UQCC1: variants seen among roughly 807,000 people sequenced by gnomAD.
UQCC1 encodes the protein ubiquinol-cytochrome c reductase complex assembly factor 1.
In UQCC1, 38 loss-of-function variants were observed where a neutral mutation model predicts 48.0. The ratio of observed to expected loss-of-function variants is 0.79; its 90% CI spans 0.61 to 1.04. The LOEUF is 1.04. Ranked by LOEUF, UQCC1 falls within the 50% of genes least tolerant of loss-of-function variation. The pLI is 0.00. For synonymous variants in UQCC1, 111 were observed against 129.2 expected (o/e 0.86, Z 0.95); for missense variants, 368 against 381.8 (o/e 0.96, Z 0.30).
chr20:35,347,238 T>G lies in UQCC1; in HGVS notation c.499A>C (p.Ser167Arg). The G allele has an allele frequency of 6.2e-7, 1 of 1,614,058 alleles. No homozygotes were observed. Among genetic ancestry groups the G allele is most frequent in the Non-Finnish European group, 8.5e-7 (1 of 1,180,010 alleles). ...CLVRMKQEGRSGKYMCRIIVH... is the reference protein window; with the variant it reads ...CLVRMKQEGRRGKYMCRIIVH... ...ATGATACGACACATGTACTTCCCAC[T>G]CCGGCCTTCCTGCTTCATTCGGACT... Residue 167 changes from serine (S) to arginine (R), a missense_variant, in exon 7 of 10, where the codon AGT becomes CGT. Coordinates refer to ENST00000374385, the MANE Select transcript of UQCC1 (RefSeq NM_018244.5).
chr20:35,313,418 G>T, intron 8 of UQCC1, among the ~76,000 whole-genome samples: 1 of 142,484 alleles, frequency 7.0e-6, no homozygotes, highest in South Asian at 2.3e-4. Flanking sequence ...AGATCCAAAT[G>T]TCCTGATGTG....
chr20:35,304,275 A>G (rs2060903933), intron 9 of UQCC1, among the ~76,000 whole-genome samples: 1 of 152,318 alleles, frequency 6.6e-6, no homozygotes, highest in African/African-American at 2.4e-5. Flanking sequence ...GTTCAGAGAA[A>G]GCAGTCACTG....
chr20:35,373,704 A>C (rs1362583901), intron 5 of UQCC1, among the ~76,000 whole-genome samples: 1 of 152,030 alleles, frequency 6.6e-6, no homozygotes, highest in Non-Finnish European at 1.5e-5. Flanking sequence ...AAAAAAAAAA[A>C]AAACCATCCA....
Position 35,306,680 on chromosome 20 carries a change from A to G in UQCC1, c.751T>C (p.Tyr251His). 1 of 1,613,390 alleles carries G rather than the reference A, an allele frequency of 6.2e-7. No individual in the cohort carries two copies. Among genetic ancestry groups the G allele is most frequent in the Non-Finnish European group, 8.5e-7 (1 of 1,179,816 alleles). The change falls in exon 9 of 10, where the codon TAT (tyrosine) becomes CAT (histidine). Residue 251 changes from tyrosine (Y) to histidine (H), a missense_variant. Physicochemically the swap from Tyr to His is moderately conservative, Grantham distance 83. Transcript: ENST00000374385. ...DPRHLELLVE[Y>H]VRKQIQYLDS... Reference sequence around the variant, plus strand: ...GGGTCACTCACCTGTTTCCTCACATACTCTACCAGCAATTCAAGATGTCGA... The same window carrying G: ...GGGTCACTCACCTGTTTCCTCACATGCTCTACCAGCAATTCAAGATGTCGA...
chr20:35,375,982 C>T (rs2061794392), intron 4 of UQCC1, among the ~76,000 whole-genome samples: 1 of 144,772 alleles, frequency 6.9e-6, no homozygotes, highest in Non-Finnish European at 1.5e-5. Context: ...AAAATTGAAG[C>T]CAAAGCCGTT....
intron 7 of UQCC1, among the ~76,000 whole-genome samples, chr20:35,328,873 G>A: frequency 6.6e-6 from 1 of 152,138 alleles, no homozygotes; most frequent in Non-Finnish European, 1.5e-5. Flanking sequence ...TGTTTCGTGT[G>A]GAAGTGAATC....
chr20:35,345,717 T>C (rs1291430687), intron 7 of UQCC1: 1 of 152,172 alleles, frequency 6.6e-6, no homozygotes, highest in Non-Finnish European at 1.5e-5. Context: ...AAAAGACACT[T>C]GTTTTTTACA....
intron 3 of UQCC1, among the ~76,000 whole-genome samples, chr20:35,383,414 TATTCA>T (rs2061900043): frequency 6.6e-6 from 1 of 152,158 alleles, no homozygotes; most frequent in African/African-American, 2.4e-5. Flanking sequence ...TAGGTCCAAA[TATTCA>T]GGCTGGCATG....
intron 7 of UQCC1, among the ~76,000 whole-genome samples, chr20:35,334,961 C>T (rs2146355432): frequency 6.6e-6 from 1 of 152,318 alleles, no homozygotes; most frequent in East Asian, 1.9e-4. Flanking sequence ...CGAAGAGTGG[C>T]CAGGCCAGGC....
intron 6 of UQCC1, among the ~76,000 whole-genome samples, chr20:35,356,270 C>T (rs2061545971): frequency 6.6e-6 from 1 of 152,198 alleles, no homozygotes; most frequent in Non-Finnish European, 1.5e-5. Flanking sequence ...AATCTCAACT[C>T]CAACTCTGTG....
In UQCC1 at chr20:35,405,077, T is replaced by C. The variant is rs1229804134; in HGVS notation, c.24+6863A>G. Among the ~76,000 whole-genome samples the C allele has an allele frequency of 3.3e-5, 5 of 152,136 alleles. No homozygotes were observed. In the South Asian group the frequency reaches 6.2e-4, roughly 19 times the overall value. On this transcript the variant is annotated intron_variant, in intron 1 of 9. Transcript: ENST00000374385. ...TTGTGGTTGACCTTGAGGTTCTGCA[T>C]AGCAGGAAGTGAAAGTTAAGGCAGA...
At chr20:35,392,868 G>A (rs988705619) in intron 2 of UQCC1, among the ~76,000 whole-genome samples, 8 of 151,506 alleles carry the variant, frequency 5.3e-5, no homozygotes, top group Admixed American at 2.0e-4. Context: ...CATCGAATAC[G>A]AAAAAGAAAG....
At chr20:35,322,941 G>A (rs996040888) in intron 7 of UQCC1, among the ~76,000 whole-genome samples, 9 of 151,528 alleles carry the variant, frequency 5.9e-5, no homozygotes, top group Middle Eastern at 3.5e-3. Context: ...TCCGCCTCCC[G>A]GGTTCACGCC....
chr20:35,406,099 A>G (rs2062246722), intron 1 of UQCC1, among the ~76,000 whole-genome samples: 1 of 152,196 alleles, frequency 6.6e-6, no homozygotes, highest in Non-Finnish European at 1.5e-5. Flanking sequence ...AAAGAAAAAA[A>G]AGAACAAATT....
chr20:35,307,720 A>G (rs193027830), intron 8 of UQCC1, among the ~76,000 whole-genome samples: 5 of 152,332 alleles, frequency 3.3e-5, no homozygotes, highest in Non-Finnish European at 7.3e-5. Flanking sequence ...CAAAGTCTCA[A>G]TCTTCTACTT....
intron 2 of UQCC1, chr20:35,386,513 T>C (rs1297226497): frequency 2.8e-6 from 1 of 360,460 alleles, no homozygotes; most frequent in South Asian, 2.2e-5. Context: ...TAGGCTTTAA[T>C]TCATAAGTAT....
At chr20:35,329,277 A>C (rs541734931) in intron 7 of UQCC1, among the ~76,000 whole-genome samples, 3 of 152,272 alleles carry the variant, frequency 2.0e-5, no homozygotes, top group East Asian at 1.9e-4. Flanking sequence ...ACCAGTGAAG[A>C]AGCAGCCGAC....
intron 5 of UQCC1, among the ~76,000 whole-genome samples, chr20:35,366,885 G>A (rs1292269897): frequency 1.3e-5 from 2 of 152,220 alleles, no homozygotes; most frequent in East Asian, 3.9e-4. Flanking sequence ...CCTCAGGTCA[G>A]GAGATCAAGA....
At chr20:35,410,010 T>C (rs2062323663) in intron 1 of UQCC1, 1 of 151,910 alleles carries the variant, frequency 6.6e-6, no homozygotes, top group Admixed American at 6.6e-5. Context: ...TTCACCACGT[T>C]GGCCAGGCTG....
Sources: allele counts gnomAD v4.1 joint callset (sites outside exome capture counted in the v4.1 genomes callset), GRCh38; gene constraint gnomAD v4.1.1; transcripts MANE v1.5; gene names NCBI Gene and HGNC (gene_info 2026-07-23, HGNC 2026-07-21).